CADPS: variants seen among roughly 807,000 people sequenced by gnomAD.
CADPS encodes calcium dependent secretion activator.
A neutral mutation model predicts 167.3 loss-of-function variants in CADPS; 57 were observed. The observed-to-expected ratio is 0.34, with a 90% CI of 0.28 to 0.42. CADPS has a LOEUF of 0.42. CADPS is among the 20% of genes least tolerant of loss of function. CADPS has a pLI of 1.00. For synonymous variants in CADPS, 676 were observed against 635.3 expected (o/e 1.06, Z -0.96); for missense variants, 1,414 against 1,738.1 (o/e 0.81, Z 3.32).
At position 62,458,013 on chromosome 3, in the gene CADPS, T is replaced by TG. The variant is rs768188312; in HGVS notation, c.3636+7353dup. Among the ~76,000 whole-genome samples the TG allele has an allele frequency of 6.6e-6, 1 of 152,152 alleles. No homozygotes were observed. The highest frequency in any genetic ancestry group is 1.5e-5 in the Non-Finnish European group (1 of 68,034). On this transcript the variant is annotated intron_variant, in intron 26 of 29. Coordinates refer to ENST00000383710, the MANE Select transcript of CADPS (RefSeq NM_003716.4). The surrounding 1 kb of genome is among the most constrained non-coding windows in gnomAD (Gnocchi z 4.6). ...GGTTGATGGGTGCAGCAAACCACCA[T>TG]GGCACATGTATACCTATGTAACAAA...
chr3:62,852,422 TC>T (rs1409003378), intron 1 of CADPS, among the ~76,000 whole-genome samples: 1 of 152,110 alleles, frequency 6.6e-6, no homozygotes, highest in Admixed American at 6.6e-5. Context: ...TCTTGGCTCC[TC>T]CCCCATCAGC....
intron 1 of CADPS, among the ~76,000 whole-genome samples, chr3:62,784,928 G>GTA (rs1456194544): frequency 1.3e-5 from 2 of 152,116 alleles, no homozygotes; most frequent in Non-Finnish European, 2.9e-5. Context: ...AATATTTGAG[G>GTA]ATATTAAAGA....
intron 8 of CADPS, 118 bp from the exon 9 acceptor site, chr3:62,571,056 G>C (rs549445490): frequency 4.7e-5 from 34 of 728,826 alleles, no homozygotes; most frequent in Non-Finnish European, 8.0e-5. Flanking sequence ...CTCAGGAACG[G>C]GGCGCAGATT....
rs1260737662 is a variant in CADPS at position 62,458,844 on chromosome 3, CTG to C, written c.3636+6521_3636+6522del. ...TAGACCACACAGTCTGGAGAAAATA[CTG>C]TGTGTGTCTTATGTTTGCTTTGAAT... is the stretch of plus-strand genomic sequence containing the variant. On this transcript the variant is annotated intron_variant, in intron 26 of 29. Coordinates refer to ENST00000383710, the MANE Select transcript of CADPS (RefSeq NM_003716.4). The surrounding 1 kb of genome is among the most constrained non-coding windows in gnomAD (Gnocchi z 4.6). Among the ~76,000 whole-genome samples, 1 of 152,204 alleles carries C rather than the reference CTG, an allele frequency of 6.6e-6. No homozygotes were observed. Among genetic ancestry groups the C allele is most frequent in the Non-Finnish European group, 1.5e-5 (1 of 68,038 alleles).
chr3:62,631,786 T>G (rs1347315961), intron 6 of CADPS, among the ~76,000 whole-genome samples: 1 of 152,190 alleles, frequency 6.6e-6, no homozygotes, highest in Non-Finnish European at 1.5e-5. Flanking sequence ...GGCTCATATT[T>G]AAAAGCTGCA....
At chr3:62,728,714 A>C (rs922156807) in intron 3 of CADPS, among the ~76,000 whole-genome samples, 1 of 151,938 alleles carries the variant, frequency 6.6e-6, no homozygotes, top group Non-Finnish European at 1.5e-5. Flanking sequence ...TAATATTCTC[A>C]GATAACCCCT....
At chr3:62,431,621 A>C (rs2053970531) in intron 28 of CADPS, among the ~76,000 whole-genome samples, 1 of 151,758 alleles carries the variant, frequency 6.6e-6, no homozygotes, top group Non-Finnish European at 1.5e-5. Flanking sequence ...GGCAGTCCCT[A>C]TAACAAGTCA....
intron 6 of CADPS, among the ~76,000 whole-genome samples, chr3:62,636,149 TG>T (rs2066263524): frequency 6.6e-6 from 1 of 152,188 alleles, no homozygotes; most frequent in Admixed American, 6.5e-5. Flanking sequence ...ATGTTAAATT[TG>T]AAATGTTATT....
intron 18 of CADPS, among the ~76,000 whole-genome samples, chr3:62,493,955 G>A (rs931285393): frequency 3.8e-4 from 58 of 152,168 alleles, no homozygotes; most frequent in African/African-American, 6.5e-4. Flanking sequence ...AAGTGTAAAC[G>A]TTTTTTAAGC....
chr3:62,661,656 G>A (rs921184505), intron 4 of CADPS, among the ~76,000 whole-genome samples: 6 of 152,126 alleles, frequency 3.9e-5, no homozygotes, highest in Non-Finnish European at 7.3e-5. Context: ...GTTTGTATAT[G>A]AGTTTTATCC....
chr3:62,507,960 T>C (rs1450044976), intron 17 of CADPS, among the ~76,000 whole-genome samples: 1 of 152,202 alleles, frequency 6.6e-6, no homozygotes, highest in East Asian at 1.9e-4. Context: ...GGAACCATTA[T>C]TAGCACCTTT....
chr3:62,702,405 G>A (rs1029768736), intron 3 of CADPS, among the ~76,000 whole-genome samples: 14 of 152,124 alleles, frequency 9.2e-5, no homozygotes, highest in Non-Finnish European at 1.8e-4. Context: ...TGAGCCTGTC[G>A]GGGGAAGAAT....
rs1370226786 is a variant in CADPS at position 62,465,490 on chromosome 3, C to T, written c.3553-40G>A. 1.4e-6 allele frequency: 2 copies of T among 1,405,876 alleles called. No homozygotes were observed. The highest frequency in any genetic ancestry group is 2.4e-5 in the South Asian group (2 of 82,332). 87.1% of individuals were successfully genotyped at this position (1,405,876 alleles called of 1,614,324 possible). ...AAAAAGAAAAAAATGTTATTTCAAA[C>T]TATAATTGTTCACCATAAAGCACAT... On this transcript the variant is annotated intron_variant, in intron 25 of 29. Transcript: ENST00000383710. This position sits in a 1 kb window ranked among gnomAD's most constrained non-coding sequence, Gnocchi z 4.1.
At chr3:62,503,908 A>G (rs1293707078) in intron 17 of CADPS, among the ~76,000 whole-genome samples, 1 of 152,022 alleles carries the variant, frequency 6.6e-6, no homozygotes, top group African/African-American at 2.4e-5. Context: ...CTCCTTTCTA[A>G]TAGTTCTGGT....
intron 9 of CADPS, among the ~76,000 whole-genome samples, chr3:62,565,138 T>A (rs1305432863): frequency 6.6e-6 from 1 of 152,170 alleles, no homozygotes; most frequent in East Asian, 1.9e-4. Flanking sequence ...TCAATGTGTT[T>A]GGTTCTCACC....
At chr3:62,430,679 C>T (rs887637284) in intron 28 of CADPS, among the ~76,000 whole-genome samples, 1 of 151,996 alleles carries the variant, frequency 6.6e-6, no homozygotes, top group Admixed American at 6.6e-5. Flanking sequence ...CATACACATA[C>T]ACACACACCC....
chr3:62,653,796 T>A (rs2070832659), intron 4 of CADPS, among the ~76,000 whole-genome samples: 1 of 152,148 alleles, frequency 6.6e-6, no homozygotes, highest in Non-Finnish European at 1.5e-5. Flanking sequence ...ATTCTGCTTT[T>A]CCATGTGAAT....
At chr3:62,551,402 G>A (rs1012153352) in intron 10 of CADPS, among the ~76,000 whole-genome samples, 6 of 152,110 alleles carry the variant, frequency 3.9e-5, no homozygotes, top group Non-Finnish European at 8.8e-5. Flanking sequence ...TCCAGTTGCG[G>A]CCATCATAAA....
chr3:62,825,974 T>A (rs1038388206), intron 1 of CADPS, among the ~76,000 whole-genome samples: 12 of 152,132 alleles, frequency 7.9e-5, no homozygotes, highest in Non-Finnish European at 1.8e-4. Context: ...TTCCTTGACC[T>A]CAAAGAATGT....
Sources: gnomAD v4.1 joint callset for allele counts (sites outside exome capture counted in the v4.1 genomes callset) on GRCh38, gnomAD v4.1.1 for gene constraint, Gnocchi (gnomAD v3.1) non-coding constraint, MANE v1.5 for transcripts, NCBI Gene and HGNC (gene_info 2026-07-23, HGNC 2026-07-21) for gene names.